TPM1: variants seen among roughly 807,000 people sequenced by gnomAD.
TPM1 encodes tropomyosin 1.
TPM1 carries 24 observed loss-of-function variants against 42.9 expected under a neutral mutation model. That is an observed-to-expected ratio of 0.56 (90% CI 0.41 to 0.79). The LOEUF is 0.79. Among genes scored for constraint, TPM1 ranks in the 30% least tolerant of loss-of-function variants. The pLI, the probability that TPM1 is intolerant of heterozygous loss-of-function variation, is 0.00. For missense variants in TPM1, 158 were observed against 351.8 expected (o/e 0.45, Z 4.41); for synonymous variants, 136 against 130.1 (o/e 1.05, Z -0.31).
chr15:63,048,579 G>T, intron 2 of TPM1: 1 of 1,528,084 alleles, frequency 6.5e-7, no homozygotes, highest in East Asian at 2.5e-5. Flanking sequence ...CGGCGCGATG[G>T]CGGGGAGTAG....
At chr15:63,069,952 G>A (rs373028120), downstream of TPM1, 5 of 1,613,846 alleles carry the variant, frequency 3.1e-6, no homozygotes, top group Non-Finnish European at 2.5e-6. Flanking sequence ...AAACTTAAGA[G>A]TGAAAAAACT....
At chr15:63,067,101 C>T (rs896220246), downstream of TPM1, among the ~76,000 whole-genome samples, 1 of 149,022 alleles carries the variant, frequency 6.7e-6, no homozygotes, top group Non-Finnish European at 1.5e-5. Flanking sequence ...ATATATTTCT[C>T]CTGTTTTTTT....
intron 2 of TPM1, among the ~76,000 whole-genome samples, chr15:63,051,924 G>T (rs1322976733): frequency 6.7e-6 from 1 of 149,144 alleles, no homozygotes; most frequent in Non-Finnish European, 1.5e-5. Context: ...ATCTGATTTG[G>T]GATAATATTA....
Position 63,044,012 on chromosome 15 carries a change from CT to C in TPM1, c.115-14del. 1 of 1,613,148 alleles carries C rather than the reference CT, an allele frequency of 6.2e-7. No homozygotes were observed. Among genetic ancestry groups the C allele is most frequent in the Non-Finnish European group, 8.5e-7 (1 of 1,179,552 alleles). On this transcript the variant is annotated splice_polypyrimidine_tract_variant and intron_variant, in intron 1 of 9. Transcript: ENST00000403994. ...GCACCCCCCTCCCTCCCTGTACCCC[CT>C]GGCCAACTCCCAGCTGGAAGATGAG... is the stretch of plus-strand genomic sequence containing the variant.
chr15:63,062,708 A>G lies in TPM1; in HGVS notation c.772+63A>G, dbSNP rs372214593. 1,445 of 1,613,162 alleles carry G rather than the reference A, an allele frequency of 9.0e-4. 2 individuals are homozygous for G. Among genetic ancestry groups the G allele is most frequent in the Non-Finnish European group, 1.1e-3 (1,265 of 1,179,470 alleles). On this transcript the variant is annotated intron_variant, in intron 8 of 9. Coordinates refer to ENST00000403994, the MANE Select transcript of TPM1 (RefSeq NM_001018005.2). ...GGTTGAATACCAACCTGGCAAAACA[A>G]TTTTCCAATTCAAGGGCATCCACAT...
intron 1 of TPM1, 37 bp downstream of exon 1, chr15:63,042,980 CGCCGGGACTCGA>C: frequency 6.5e-7 from 1 of 1,541,230 alleles, no homozygotes; most frequent in Non-Finnish European, 8.8e-7. Flanking sequence ...GCGCCCAGAG[CGCCGGGACTCGA>C]GCCTGGCACC....
intron 2 of TPM1, chr15:63,045,607 G>T (rs2032233090): frequency 6.6e-6 from 1 of 152,172 alleles, no homozygotes; most frequent in East Asian, 1.9e-4. Context: ...AGAATGCAGA[G>T]AATTTGAAAA....
intron 2 of TPM1, chr15:63,046,805 ACC>A (rs2032476216): frequency 6.6e-6 from 1 of 152,490 alleles, no homozygotes; most frequent in Admixed American, 6.5e-5. Context: ...AGCTTTTAAA[ACC>A]CAAAGTTAGG....
At chr15:63,069,616 G>T (rs778296582), downstream of TPM1, among the ~76,000 whole-genome samples, 1 of 152,154 alleles carries the variant, frequency 6.6e-6, no homozygotes, top group Non-Finnish European at 1.5e-5. Context: ...CTCTTATCCT[G>T]TTGCTCCTCC....
At chr15:63,065,852 T>C (rs1292284004) in intron 9 of TPM1, 44 bp from the exon 10 acceptor site, 10 of 1,580,140 alleles carry the variant, frequency 6.3e-6, no homozygotes, top group Non-Finnish European at 8.6e-6. Context: ...TTTTTTCTCA[T>C]TGTGCCACTT....
rs2035838671 is a variant in TPM1 at position 63,062,870 on chromosome 15, C to G, written c.772+225C>G. On this transcript the variant is annotated intron_variant, in intron 8 of 9. Transcript: ENST00000403994. ...CACCAGCCATAGTGGCAAATGCCAT[C>G]CAGCTTGACTTCATGCTCATTACAA... 4 of 1,516,548 alleles carry G rather than the reference C, an allele frequency of 2.6e-6. No individual in the cohort carries two copies. The East Asian group carries it at 9.8e-5, about 37-fold the overall frequency. The allele number at this position is 1,516,548 out of a possible 1,614,324, so 93.9% of individuals were successfully genotyped here.
Position 63,065,406 on chromosome 15 carries a change from G to A in TPM1, c.852-490G>A, listed in dbSNP as rs2036165827. On this transcript the variant is annotated intron_variant, in intron 9 of 9. Transcript: ENST00000403994. ...AAAAAATGGTAACTTGAAGAGAGTG[G>A]CATGTGCCTGCTGCCTTAGAGGTTA... 1.8e-5 allele frequency: 18 copies of A among 1,003,074 alleles called. No individual in the cohort carries two copies. In the Middle Eastern group the frequency reaches 1.5e-3, roughly 86 times the overall value. 62.1% of individuals were successfully genotyped at this position (1,003,074 alleles called of 1,614,324 possible).
chr15:63,055,229 G>A (rs1459867509), intron 2 of TPM1, among the ~76,000 whole-genome samples: 2 of 152,156 alleles, frequency 1.3e-5, no homozygotes, highest in African/African-American at 4.8e-5. Flanking sequence ...CTCTTCCTCT[G>A]ATTTATTTCA....
In TPM1 at chr15:63,044,183, C is replaced by T. The variant is rs769428675; in HGVS notation, c.240+31C>T. On this transcript the variant is annotated intron_variant, in intron 2 of 9. Coordinates refer to ENST00000403994, the MANE Select transcript of TPM1 (RefSeq NM_001018005.2). ...TGCACGCTCACACTGCTTCCCTCAC[C>T]TCTTGCCTGCGTGGCCACTCCGGGG... 6.8e-6 allele frequency: 11 copies of T among 1,613,964 alleles called. No individual in the cohort carries two copies. The East Asian group carries it at 1.8e-4, about 26-fold the overall frequency.
chr15:63,055,263 A>G (rs889167790), intron 2 of TPM1, among the ~76,000 whole-genome samples: 1 of 152,200 alleles, frequency 6.6e-6, no homozygotes, highest in African/African-American at 2.4e-5. Context: ...CCCTGCCTCC[A>G]TCAACCAATT....
Position 63,059,629 on chromosome 15 carries a change from A to G in TPM1, c.441A>G (p.Gln147=), listed in dbSNP as rs1596372306. Residue 147 remains glutamine (Q), a synonymous_variant, in exon 4 of 10, where the codon CAA becomes CAG. Transcript: ENST00000403994. ...AAAAAATGGAAATTCAGGAGATCCA[A>G]CTGAAAGAGGCCAAGCACATTGCTG... is the stretch of plus-strand genomic sequence containing the variant. The part of the protein sequence containing the change: ...DEEKMEIQEI[Q]LKEAKHIAED... 2 of 1,612,714 alleles carry G rather than the reference A, an allele frequency of 1.2e-6. No individual in the cohort carries two copies. The highest frequency in any genetic ancestry group is 1.1e-5 in the South Asian group (1 of 91,010).
At position 63,065,983 on chromosome 15, in the gene TPM1, G is replaced by A. The variant is rs2036245992; in HGVS notation, c.*84G>A. On this transcript the variant is annotated 3_prime_UTR_variant, in exon 10 of 10. Coordinates refer to ENST00000403994, the MANE Select transcript of TPM1 (RefSeq NM_001018005.2). ...GAGCTCTGCATTTGTCTATTCTCCAGCTGACCCTGGTTCTCTCTCTTAGCA... is the reference window on the plus strand; with the variant it reads ...GAGCTCTGCATTTGTCTATTCTCCAACTGACCCTGGTTCTCTCTCTTAGCA... 1 of 1,576,776 alleles carries A rather than the reference G, an allele frequency of 6.3e-7. No individual in the cohort carries two copies. Among genetic ancestry groups the A allele is most frequent in the Non-Finnish European group, 8.6e-7 (1 of 1,160,742 alleles).
In TPM1 at chr15:63,044,236, G is replaced by A; in HGVS notation, c.240+84G>A. On this transcript the variant is annotated intron_variant, in intron 2 of 9. Transcript: ENST00000403994. ...ACCACAGGGCTGGAGAGCAATGAAG[G>A]AAGTTTACCTTTTCCTGCTGGACAC... 1 of 1,607,160 alleles carries A rather than the reference G, an allele frequency of 6.2e-7. No individual in the cohort carries two copies. Among genetic ancestry groups the A allele is most frequent in the Non-Finnish European group, 8.5e-7 (1 of 1,175,934 alleles).
At chr15:63,064,981 T>C (rs2036119821) in intron 9 of TPM1, 4 of 984,842 alleles carry the variant, frequency 4.1e-6, no homozygotes, top group Non-Finnish European at 4.8e-6. Flanking sequence ...AAAAAAAGAA[T>C]GGTAGAGTAA....
Sources: allele counts gnomAD v4.1 joint callset (sites outside exome capture counted in the v4.1 genomes callset), GRCh38; gene constraint gnomAD v4.1.1; transcripts MANE v1.5; gene names NCBI Gene and HGNC (gene_info 2026-07-23, HGNC 2026-07-21).